SETD2: variants seen among roughly 807,000 people sequenced by gnomAD.
SETD2 encodes the protein histone-lysine N-methyltransferase SETD2.
In SETD2, 31 loss-of-function variants were observed where a neutral mutation model predicts 242.1. The observed-to-expected ratio is 0.13, with a 90% CI of 0.10 to 0.17. The LOEUF (loss-of-function observed/expected upper bound fraction) is 0.17. SETD2 is among the 10% of genes least tolerant of loss of function. SETD2 has a pLI of 1.00. For synonymous variants in SETD2, 1,006 were observed against 1,066.5 expected (o/e 0.94, Z 1.11); for missense variants, 2,481 against 3,046.3 (o/e 0.81, Z 4.37).
At chr3:47,133,921 T>C (rs1301891885) in intron 1 of SETD2, among the ~76,000 whole-genome samples, 2 of 152,130 alleles carry the variant, frequency 1.3e-5, no homozygotes, top group African/African-American at 4.8e-5. Context: ...GGAAAACTGA[T>C]AACAAAAGAA....
At chr3:47,090,131 C>T (rs778504553) in intron 9 of SETD2, among the ~76,000 whole-genome samples, 13 of 151,982 alleles carry the variant, frequency 8.6e-5, no homozygotes, top group African/African-American at 1.2e-4. Flanking sequence ...GCCTGTAGTA[C>T]CAGCTATCGG....
At chr3:47,104,092 T>C (rs2042317736) in intron 6 of SETD2, among the ~76,000 whole-genome samples, 1 of 152,288 alleles carries the variant, frequency 6.6e-6, no homozygotes, top group African/African-American at 2.4e-5. Flanking sequence ...TAAACAGCTC[T>C]GGGGTTAGGT....
chr3:47,049,946 T>G (rs1353340035), intron 15 of SETD2, among the ~76,000 whole-genome samples: 2 of 146,738 alleles, frequency 1.4e-5, no homozygotes, highest in African/African-American at 4.9e-5. Flanking sequence ...TTCTATAAGT[T>G]TATATATTTG....
intron 14 of SETD2, among the ~76,000 whole-genome samples, chr3:47,057,800 T>C (rs182931433): frequency 6.6e-6 from 1 of 152,184 alleles, no homozygotes; most frequent in African/African-American, 2.4e-5. Context: ...TAATCACAAA[T>C]TCTAAAATTA....
At chr3:47,093,352 C>T (rs957828616) in intron 9 of SETD2, among the ~76,000 whole-genome samples, 2 of 146,406 alleles carry the variant, frequency 1.4e-5, no homozygotes, top group Non-Finnish European at 3.0e-5. Flanking sequence ...GGCATCATGT[C>T]AGCTCACTGC....
At position 47,105,903 on chromosome 3, in the gene SETD2, CAAAAAAAAA is replaced by C. The variant is rs55987628; in HGVS notation, c.4839+85_4839+93del. 1,143 of 967,478 alleles carry C rather than the reference CAAAAAAAAA, an allele frequency of 1.2e-3. 1 individual carries two copies. Among genetic ancestry groups the C allele is most frequent in the Non-Finnish European group, 1.5e-3 (1,048 of 718,162 alleles). 59.9% of individuals were successfully genotyped at this position (967,478 alleles called of 1,614,324 possible). On this transcript the variant is annotated intron_variant, in intron 6 of 20. Transcript: ENST00000409792. ...GGGCGATAGAGCGAGACTCCGTCTC[CAAAAAAAAA>C]AAAAAAAAAAAAATCAAATCAGTAT...
intron 18 of SETD2, 67 bp downstream of exon 18, chr3:47,037,599 G>C: frequency 2.6e-6 from 3 of 1,173,478 alleles, no homozygotes; most frequent in Non-Finnish European, 3.8e-6. Flanking sequence ...AGAATCCCAA[G>C]ACCATGCGGG....
chr3:47,043,273 A>T (rs2039368312), intron 16 of SETD2, among the ~76,000 whole-genome samples: 1 of 152,202 alleles, frequency 6.6e-6, no homozygotes. Context: ...GGGCCTGTAA[A>T]GAGCTAATTA....
intron 1 of SETD2, among the ~76,000 whole-genome samples, chr3:47,150,111 C>T (rs1018640127): frequency 7.0e-6 from 1 of 142,288 alleles, no homozygotes; most frequent in Non-Finnish European, 1.5e-5. Context: ...CTCACTACAA[C>T]CTCTGCCTCC....
intron 9 of SETD2, among the ~76,000 whole-genome samples, chr3:47,093,284 CTTT>C (rs67167956): frequency 4.5e-5 from 6 of 133,668 alleles, no homozygotes; most frequent in East Asian, 4.1e-4. Flanking sequence ...TTTATCCATC[CTTT>C]TTTTTTTTTT....
At chr3:47,045,198 C>T (rs2039465467) in intron 16 of SETD2, among the ~76,000 whole-genome samples, 1 of 151,894 alleles carries the variant, frequency 6.6e-6, no homozygotes, top group African/African-American at 2.4e-5. Flanking sequence ...CCAGCCTGGC[C>T]AACATGGTGA....
chr3:47,147,282 G>A (rs2043877502), intron 1 of SETD2, among the ~76,000 whole-genome samples: 1 of 151,398 alleles, frequency 6.6e-6, no homozygotes, highest in South Asian at 2.1e-4. Flanking sequence ...CAAAGTGCTG[G>A]GATTACAGGC....
chr3:47,026,404 C>T (rs935524796), intron 18 of SETD2, among the ~76,000 whole-genome samples: 1 of 152,182 alleles, frequency 6.6e-6, no homozygotes, highest in African/African-American at 2.4e-5. Flanking sequence ...GGCAATTCCT[C>T]AAGGATCTAG....
At chr3:47,039,711 C>A (rs975399659) in intron 17 of SETD2, among the ~76,000 whole-genome samples, 179 of 101,546 alleles carry the variant, frequency 1.8e-3, no homozygotes, top group Middle Eastern at 6.6e-3. Context: ...ACCGAAAATA[C>A]AAAAAAAAAA....
intron 14 of SETD2, among the ~76,000 whole-genome samples, chr3:47,061,153 G>T (rs2040315709): frequency 6.6e-6 from 1 of 152,062 alleles, no homozygotes; most frequent in Admixed American, 6.6e-5. Context: ...GGGAGGCGGA[G>T]CTTGCAGTGA....
At chr3:47,050,670 A>C (rs1325151718) in intron 15 of SETD2, among the ~76,000 whole-genome samples, 3 of 149,450 alleles carry the variant, frequency 2.0e-5, no homozygotes, top group Non-Finnish European at 3.0e-5. Context: ...AAAACACTTC[A>C]GGTCCCAAGC....
chr3:47,091,913 C>T (rs113273038), intron 9 of SETD2, among the ~76,000 whole-genome samples: 9,618 of 152,034 alleles, frequency 0.063, 1,028 homozygotes, highest in African/African-American at 0.22. Context: ...CCACAGCACT[C>T]CAGCCTGGGT....
At position 47,096,733 on chromosome 3, in the gene SETD2, C is replaced by T. The variant is rs145382810; in HGVS notation, c.5142+1222G>A. Among the ~76,000 whole-genome samples the T allele has an allele frequency of 9.9e-4, 150 of 151,604 alleles. 1 individual carries two copies. Among genetic ancestry groups the T allele is most frequent in the African/African-American group, 3.4e-3 (142 of 41,330 alleles). On this transcript the variant is annotated intron_variant, in intron 9 of 20. Coordinates refer to ENST00000409792, the MANE Select transcript of SETD2 (RefSeq NM_014159.7). ...CTGTACTCTGGCCTGTGGAACAGTGCGAGACGTTGTCTCAAAAAAAAACAA... is the reference window on the plus strand; with the variant it reads ...CTGTACTCTGGCCTGTGGAACAGTGTGAGACGTTGTCTCAAAAAAAAACAA...
chr3:47,039,227 T>TA (rs1428924457), intron 17 of SETD2, among the ~76,000 whole-genome samples: 1 of 151,826 alleles, frequency 6.6e-6, no homozygotes, highest in Non-Finnish European at 1.5e-5. Flanking sequence ...TTTTTTTTTT[T>TA]ATTCTGATAT....
Sources: allele counts gnomAD v4.1 joint callset (sites outside exome capture counted in the v4.1 genomes callset), GRCh38; gene constraint gnomAD v4.1.1; transcripts MANE v1.5; gene names NCBI Gene and HGNC (gene_info 2026-07-23, HGNC 2026-07-21).